Variants in RASGRF2 observed in about 807,000 individuals in gnomAD.
RASGRF2 encodes Ras protein specific guanine nucleotide releasing factor 2, also known as ras-specific guanine nucleotide-releasing factor 2.
Under a neutral mutation model 151.0 loss-of-function variants are expected in RASGRF2, and 76 were observed. The observed-to-expected ratio is 0.50, with a 90% CI of 0.42 to 0.61. The LOEUF (loss-of-function observed/expected upper bound fraction) is 0.61. Ranked by LOEUF, RASGRF2 falls within the 20% of genes least tolerant of loss-of-function variation. The pLI is 0.00. For synonymous variants in RASGRF2, 504 were observed against 566.5 expected, an observed-to-expected ratio of 0.89 and a Z score of 1.57; for missense variants, 1,148 against 1,564.6, an observed-to-expected ratio of 0.73 and a Z score of 4.49.
intron 2 of RASGRF2, among the ~76,000 whole-genome samples, chr5:81,053,860 A>G (rs1397780981): frequency 6.6e-6 from 1 of 152,062 alleles, no homozygotes; most frequent in Admixed American, 6.5e-5. Context: ...TTTGATTTGC[A>G]TTTCTCTGAC....
intron 17 of RASGRF2, among the ~76,000 whole-genome samples, chr5:81,175,954 A>G (rs186788731): frequency 1.3e-5 from 2 of 152,192 alleles, no homozygotes; most frequent in East Asian, 3.9e-4. Context: ...ACCAGATGTC[A>G]TCTCTCCAAG....
At chr5:81,170,191 G>A (rs906245729) in intron 17 of RASGRF2, among the ~76,000 whole-genome samples, 2 of 149,110 alleles carry the variant, frequency 1.3e-5, no homozygotes, top group Non-Finnish European at 3.0e-5. Flanking sequence ...CTGCACCACT[G>A]TTATCACCTG....
chr5:81,087,124 T>A (rs941417508), intron 9 of RASGRF2, 171 bp downstream of exon 9: 3 of 720,078 alleles, frequency 4.2e-6, no homozygotes, highest in Non-Finnish European at 7.6e-6. Flanking sequence ...CTGTTTCTTT[T>A]CAGGGACCAT....
chr5:81,081,461 G>A (rs138595306), intron 7 of RASGRF2, among the ~76,000 whole-genome samples: 52 of 152,282 alleles, frequency 3.4e-4, no homozygotes, highest in African/African-American at 9.9e-4. Context: ...GGACTTTACC[G>A]TTAAGCGCCC....
chr5:81,145,440 C>T (rs1407279810), intron 17 of RASGRF2, among the ~76,000 whole-genome samples: 1 of 152,168 alleles, frequency 6.6e-6, no homozygotes, highest in Non-Finnish European at 1.5e-5. Context: ...TTCTACTTCT[C>T]CGTTCAAGAA....
rs1406777630 is a variant in RASGRF2 at position 81,206,848 on chromosome 5, C to T, written c.2910C>T (p.Ala970=). Residue 970 remains alanine, a synonymous_variant, in exon 20 of 27, where the codon GCC becomes GCT. Coordinates refer to ENST00000265080, the MANE Select transcript of RASGRF2 (RefSeq NM_006909.3). ...GATAATTTGATATCTTTTTCAGGGCCCTTTCACAAGATGACCAAGATGACA... is the reference window on the plus strand; with the variant it reads ...GATAATTTGATATCTTTTTCAGGGCTCTTTCACAAGATGACCAAGATGACA... ...ERKAAANILR[A]LSQDDQDDIH... 6.2e-7 allele frequency: 1 copy of T among 1,608,126 alleles called. No homozygotes were observed. The highest frequency in any genetic ancestry group is 2.2e-5 in the East Asian group (1 of 44,850).
intron 2 of RASGRF2, among the ~76,000 whole-genome samples, chr5:81,043,468 A>G (rs1169872479): frequency 6.6e-6 from 1 of 152,178 alleles, no homozygotes; most frequent in East Asian, 1.9e-4. Flanking sequence ...CTCGGTTATC[A>G]AAAGAAGGGG....
At chr5:81,194,411 T>G (rs1273468573) in intron 18 of RASGRF2, among the ~76,000 whole-genome samples, 1 of 151,850 alleles carries the variant, frequency 6.6e-6, no homozygotes, top group African/African-American at 2.4e-5. Context: ...TACAATTACT[T>G]TAGGATTTTG....
intron 23 of RASGRF2, among the ~76,000 whole-genome samples, chr5:81,213,475 G>C (rs961812580): frequency 6.6e-6 from 1 of 152,200 alleles, no homozygotes; most frequent in African/African-American, 2.4e-5. Context: ...TGAACACCCA[G>C]AGTTGGTGAG....
intron 12 of RASGRF2, among the ~76,000 whole-genome samples, chr5:81,097,419 GACA>G (rs1244632856): frequency 1.3e-5 from 2 of 152,148 alleles, no homozygotes; most frequent in Non-Finnish European, 2.9e-5. Context: ...GAAGAAAAGA[GACA>G]ACAACAACAA....
chr5:81,012,489 C>T (rs1455726543), intron 1 of RASGRF2, among the ~76,000 whole-genome samples: 1 of 152,154 alleles, frequency 6.6e-6, no homozygotes, highest in Admixed American at 6.5e-5. Flanking sequence ...GAAGGAGTTG[C>T]TCCCCAGCCG....
At chr5:81,132,926 T>C (rs771602813) in intron 17 of RASGRF2, among the ~76,000 whole-genome samples, 2 of 152,152 alleles carry the variant, frequency 1.3e-5, no homozygotes, top group African/African-American at 2.4e-5. Flanking sequence ...CCCATACAAA[T>C]TGAGAAGGCC....
At chr5:81,120,703 G>T (rs923733835) in intron 15 of RASGRF2, among the ~76,000 whole-genome samples, 3 of 152,218 alleles carry the variant, frequency 2.0e-5, no homozygotes, top group African/African-American at 4.8e-5. Context: ...AATACTGTGT[G>T]GTCTTCTGCA....
Position 80,976,421 on chromosome 5 carries a change from A to G in RASGRF2, c.288+15395A>G, listed in dbSNP as rs970189535. Among the ~76,000 whole-genome samples the G allele has an allele frequency of 7.2e-5, 11 of 152,226 alleles. No individual in the cohort carries two copies. In the East Asian group the frequency reaches 2.1e-3, roughly 29 times the overall value. On this transcript the variant is annotated intron_variant, in intron 1 of 26. Coordinates refer to ENST00000265080, the MANE Select transcript of RASGRF2 (RefSeq NM_006909.3). The stretch of plus-strand genomic sequence containing the variant: ...GGTTAATAGAACCAAAATTAATAAC[A>G]GCATTTGGTGAGCATGGCCCTTAGC...
intron 23 of RASGRF2, 105 bp from the exon 24 acceptor site, chr5:81,215,771 G>A: frequency 1.5e-6 from 2 of 1,332,002 alleles, no homozygotes; most frequent in Non-Finnish European, 9.7e-7. Context: ...TGGCAAAGGT[G>A]TCAGCACCTG....
chr5:81,013,443 G>T (rs1420221827), intron 1 of RASGRF2, among the ~76,000 whole-genome samples: 1 of 152,054 alleles, frequency 6.6e-6, no homozygotes, highest in Non-Finnish European at 1.5e-5. Flanking sequence ...TGCTTGACTT[G>T]TGGCTGTGCC....
At chr5:81,001,611 A>G (rs185680537) in intron 1 of RASGRF2, among the ~76,000 whole-genome samples, 4 of 152,210 alleles carry the variant, frequency 2.6e-5, no homozygotes, top group Admixed American at 2.6e-4. Flanking sequence ...TATTGAAAGG[A>G]TATAATGTGA....
At chr5:81,097,089 G>C (rs959528176) in intron 12 of RASGRF2, among the ~76,000 whole-genome samples, 2 of 152,092 alleles carry the variant, frequency 1.3e-5, no homozygotes, top group African/African-American at 4.8e-5. Context: ...AGCTTCCCGA[G>C]TAGCTGGGAT....
At chr5:81,171,157 T>C (rs931787026) in intron 17 of RASGRF2, among the ~76,000 whole-genome samples, 12 of 152,150 alleles carry the variant, frequency 7.9e-5, no homozygotes, top group African/African-American at 2.7e-4. Flanking sequence ...CATCCCCCTC[T>C]CCTTGCATAC....
Sources: gnomAD v4.1 joint callset for allele counts (sites outside exome capture counted in the v4.1 genomes callset) on GRCh38, gnomAD v4.1.1 for gene constraint, MANE v1.5 for transcripts, NCBI Gene and HGNC (gene_info 2026-07-23, HGNC 2026-07-21) for gene names.